TFEC: variants seen among roughly 807,000 people sequenced by gnomAD.
The protein encoded by TFEC is transcription factor EC, also known as class E basic helix-loop-helix protein 34.
TFEC carries 31 observed loss-of-function variants against 41.6 expected under a neutral mutation model. The ratio of observed to expected loss-of-function variants is 0.74; its 90% CI spans 0.56 to 1.01. TFEC has a LOEUF of 1.01. Ranked by LOEUF, TFEC falls within the 50% of genes least tolerant of loss-of-function variation. The pLI, the probability that TFEC is intolerant of heterozygous loss-of-function variation, is 0.00. For synonymous variants in TFEC, 143 were observed against 140.6 expected (o/e 1.02, Z -0.12); for missense variants, 402 against 404.1 (o/e 0.99, Z 0.04).
chr7:116,064,378 A>T (rs1161645767), intron 3 of TFEC, among the ~76,000 whole-genome samples: 1 of 150,912 alleles, frequency 6.6e-6, no homozygotes, highest in Non-Finnish European at 1.5e-5. Flanking sequence ...CAATAAAATA[A>T]AATAAAAAAT....
chr7:115,954,842 G>T (rs555302911), intron 4 of TFEC, among the ~76,000 whole-genome samples, 200 bp from the exon 5 acceptor site: 2 of 152,068 alleles, frequency 1.3e-5, no homozygotes, highest in African/African-American at 2.4e-5. Context: ...TAGGCTCTGG[G>T]ATAATAAAAA....
chr7:116,144,643 C>A (rs1028725477), intron 1 of TFEC, among the ~76,000 whole-genome samples: 1 of 152,144 alleles, frequency 6.6e-6, no homozygotes, highest in Non-Finnish European at 1.5e-5. Context: ...AGCCACCATG[C>A]CTGGCCTCAA....
chr7:116,056,261 C>CA (rs1246001941), intron 3 of TFEC, among the ~76,000 whole-genome samples: 1 of 151,818 alleles, frequency 6.6e-6, no homozygotes, highest in Non-Finnish European at 1.5e-5. Context: ...GACTGTGATA[C>CA]AAAAAAAGCA....
At chr7:116,105,896 C>A (rs985415193) in intron 3 of TFEC, among the ~76,000 whole-genome samples, 2 of 152,278 alleles carry the variant, frequency 1.3e-5, no homozygotes, top group African/African-American at 4.8e-5. Flanking sequence ...TTTTCCCCAT[C>A]TCTTTCCACC....
intron 3 of TFEC, among the ~76,000 whole-genome samples, chr7:116,041,064 A>C (rs933446280): frequency 1.3e-5 from 2 of 152,156 alleles, no homozygotes; most frequent in Non-Finnish European, 2.9e-5. Flanking sequence ...CATGACACTG[A>C]GATGAAAAGG....
chr7:116,126,032 A>G (rs1798202364), intron 1 of TFEC, among the ~76,000 whole-genome samples: 1 of 152,142 alleles, frequency 6.6e-6, no homozygotes, highest in South Asian at 2.1e-4. Flanking sequence ...AGGATCAGCT[A>G]GCTTCCCACA....
intron 1 of TFEC, among the ~76,000 whole-genome samples, chr7:116,134,193 G>A (rs1396263467): frequency 6.6e-6 from 1 of 152,128 alleles, no homozygotes; most frequent in Admixed American, 6.5e-5. Context: ...AAAAGACTGA[G>A]TCAAGTAAAT....
chr7:116,119,345 T>G (rs1379128101), intron 1 of TFEC, among the ~76,000 whole-genome samples: 2 of 151,770 alleles, frequency 1.3e-5, no homozygotes, highest in African/African-American at 2.4e-5. Flanking sequence ...ATCTAGCCAA[T>G]GCAATAGGTC....
intron 1 of TFEC, among the ~76,000 whole-genome samples, chr7:116,030,257 A>C (rs2130889201): frequency 6.6e-6 from 1 of 152,308 alleles, no homozygotes; most frequent in Non-Finnish European, 1.5e-5. Context: ...GATATTGCTC[A>C]AATGTAAACA....
chr7:116,061,816 T>A (rs181467489), intron 3 of TFEC, among the ~76,000 whole-genome samples: 3 of 152,112 alleles, frequency 2.0e-5, no homozygotes, highest in African/African-American at 7.2e-5. Flanking sequence ...ATATAAGGTA[T>A]ATGGATAGCA....
intron 3 of TFEC, among the ~76,000 whole-genome samples, chr7:116,051,197 A>T (rs1415314754): frequency 6.6e-6 from 1 of 152,178 alleles, no homozygotes; most frequent in African/African-American, 2.4e-5. Flanking sequence ...ACCTAATGTA[A>T]ATGACGAGTT....
intron 2 of TFEC, among the ~76,000 whole-genome samples, chr7:115,975,705 G>A (rs77767885): frequency 0.1 from 15,310 of 152,010 alleles, 1,124 homozygotes; most frequent in East Asian, 0.38. Flanking sequence ...TAGAGGATAC[G>A]GCTTGATGAA....
intron 3 of TFEC, chr7:115,968,113 A>G: frequency 7.1e-7 from 1 of 1,414,680 alleles, no homozygotes; most frequent in Non-Finnish European, 9.3e-7. Flanking sequence ...ATAAGTTTAT[A>G]AAGTTTAAAT....
chr7:116,048,041 G>A (rs1199214768), intron 3 of TFEC, among the ~76,000 whole-genome samples: 1 of 152,210 alleles, frequency 6.6e-6, no homozygotes, highest in African/African-American at 2.4e-5. Flanking sequence ...AGAAACCAGA[G>A]CAGAAAAGCT....
intron 3 of TFEC, among the ~76,000 whole-genome samples, chr7:116,107,664 T>C (rs1442725137): frequency 6.6e-6 from 1 of 152,160 alleles, no homozygotes; most frequent in Non-Finnish European, 1.5e-5. Flanking sequence ...TGTGATTTCA[T>C]CTACTTCATA....
chr7:116,079,902 G>A (rs752242699), intron 3 of TFEC, among the ~76,000 whole-genome samples: 2 of 151,940 alleles, frequency 1.3e-5, no homozygotes, highest in African/African-American at 2.4e-5. Context: ...AACAAAACTG[G>A]AGGCATCACA....
At chr7:115,975,217 CTTCTCTCTCTCTCTCT>C (rs1406732954) in intron 2 of TFEC, among the ~76,000 whole-genome samples, 4 of 151,874 alleles carry the variant, frequency 2.6e-5, no homozygotes, top group Non-Finnish European at 5.9e-5. Flanking sequence ...AAAATGGTTG[CTTCTCTCTCTCTCTCT>C]TTCTCTCTCT....
intron 1 of TFEC, among the ~76,000 whole-genome samples, chr7:116,139,409 G>A (rs1344449793): frequency 2.6e-5 from 4 of 152,044 alleles, no homozygotes; most frequent in Admixed American, 2.0e-4. Flanking sequence ...TTCTCAACCC[G>A]TCCTCAGCCT....
intron 6 of TFEC, among the ~76,000 whole-genome samples, chr7:115,945,914 G>T (rs1453538038): frequency 6.6e-6 from 1 of 151,698 alleles, no homozygotes; most frequent in Non-Finnish European, 1.5e-5. Flanking sequence ...CAATGCCAGA[G>T]TTAAATAATT....
Sources: gnomAD v4.1 joint callset for allele counts (sites outside exome capture counted in the v4.1 genomes callset) on GRCh38, gnomAD v4.1.1 for gene constraint, MANE v1.5 for transcripts, NCBI Gene and HGNC (gene_info 2026-07-23, HGNC 2026-07-21) for gene names.